The following C9 variants were observed in gnomAD, a reference collection of about 807,000 sequenced individuals.
C9 encodes the protein complement component C9.
Under a neutral mutation model 65.4 loss-of-function variants are expected in C9, and 63 were observed. The observed-to-expected ratio is 0.96, with a 90% CI of 0.79 to 1.19. The LOEUF (loss-of-function observed/expected upper bound fraction) is 1.19, where lower values mean the gene tolerates loss of function less well. Ranked by LOEUF, C9 falls within the 50% of genes most tolerant of loss-of-function variation. C9 has a pLI of 0.00. For missense variants in C9, 744 were observed against 670.1 expected (o/e 1.11, Z -1.22); for synonymous variants, 229 against 227.9 (o/e 1.00, Z -0.04).
chr5:39,364,029 G>GA (rs1190547510), intron 1 of C9, among the ~76,000 whole-genome samples: 1 of 152,154 alleles, frequency 6.6e-6, no homozygotes, highest in Non-Finnish European at 1.5e-5. Flanking sequence ...CAGAGTGAGG[G>GA]AAAGATTAAT....
In C9 at chr5:39,316,040, A is replaced by G. The variant is rs1753564965; in HGVS notation, c.616-11T>C. 6.2e-7 allele frequency: 1 copy of G among 1,606,554 alleles called. No homozygotes were observed. The highest frequency in any genetic ancestry group is 8.5e-7 in the Non-Finnish European group (1 of 1,174,790). On this transcript the variant is annotated splice_polypyrimidine_tract_variant and intron_variant, in intron 5 of 10. Coordinates refer to ENST00000263408, the MANE Select transcript of C9 (RefSeq NM_001737.5). ...TTTCTCGCCTTTGGTCTAAAAGAGA[A>G]TAAAAAAGTGTTGTTAAAAACAAGA...
intron 1 of C9, among the ~76,000 whole-genome samples, chr5:39,361,105 G>A (rs1754509107): frequency 6.6e-6 from 1 of 150,390 alleles, no homozygotes; most frequent in Non-Finnish European, 1.5e-5. Flanking sequence ...GACATGCCAT[G>A]AAGTAAATAA....
chr5:39,361,431 T>C (rs1157851004), intron 1 of C9, among the ~76,000 whole-genome samples: 2 of 152,212 alleles, frequency 1.3e-5, no homozygotes, highest in African/African-American at 4.8e-5. Flanking sequence ...ATGTGCATAT[T>C]TTGTTATTTA....
rs73078503 is a variant in C9, at chr5:39,308,676, A to G, written c.1112-318T>C. On this transcript the variant is annotated intron_variant, in intron 7 of 10. Transcript: ENST00000263408. The stretch of plus-strand genomic sequence containing the variant: ...TAGAAAAGGGACAACAATGTCTAAC[A>G]TATATTGAATGCTTATCATGTGTCT... Among the ~76,000 whole-genome samples, 599 of 152,300 alleles carry G rather than the reference A, an allele frequency of 3.9e-3. 4 individuals are homozygous for G. Among genetic ancestry groups the G allele is most frequent in the African/African-American group, 0.014 (580 of 41,576 alleles).
chr5:39,348,482 C>T (rs1183808260), intron 1 of C9, among the ~76,000 whole-genome samples: 2 of 152,168 alleles, frequency 1.3e-5, no homozygotes, highest in Non-Finnish European at 2.9e-5. Context: ...TACCATCTCA[C>T]ACCAGTTAGA....
chr5:39,342,861 G>A (rs1010642648), intron 1 of C9, among the ~76,000 whole-genome samples: 1 of 152,006 alleles, frequency 6.6e-6, no homozygotes, highest in African/African-American at 2.4e-5. Flanking sequence ...GGCTTTTCTG[G>A]CTTTGAACTT....
chr5:39,357,473 A>C (rs1019754302), intron 1 of C9, among the ~76,000 whole-genome samples: 2 of 152,238 alleles, frequency 1.3e-5, no homozygotes, highest in African/African-American at 4.8e-5. Context: ...AGGAACTGGT[A>C]CATGTCGGAA....
At chr5:39,355,513 AG>A (rs1416480485) in intron 1 of C9, among the ~76,000 whole-genome samples, 13 of 152,018 alleles carry the variant, frequency 8.6e-5, no homozygotes, top group African/African-American at 3.1e-4. Flanking sequence ...AGAAAGCACC[AG>A]ATCTTTGCCT....
chr5:39,340,966 A>G (rs1754065435), intron 4 of C9, 180 bp downstream of exon 4: 1 of 709,790 alleles, frequency 1.4e-6, no homozygotes, highest in Non-Finnish European at 2.4e-6. Context: ...TGTCCAAATT[A>G]TCCTGAGATG....
intron 10 of C9, among the ~76,000 whole-genome samples, chr5:39,286,318 G>C (rs529642438): frequency 2.6e-5 from 4 of 152,082 alleles, no homozygotes; most frequent in Admixed American, 1.3e-4. Flanking sequence ...AAGTACTGAA[G>C]AAAGCATAAT....
chr5:39,359,200 G>A (rs1383127886), intron 1 of C9, among the ~76,000 whole-genome samples: 1 of 149,514 alleles, frequency 6.7e-6, no homozygotes, highest in Admixed American at 6.7e-5. Context: ...TGATTCCCAG[G>A]TTTTAATCTA....
rs180747165 is a variant in C9, at chr5:39,333,664, G to A, written c.477-1850C>T. ...CCACGGTCTCCCTCTCATGCCGAGC[G>A]GCAGCTGGACTGTACTGCCGCCATC... On this transcript the variant is annotated intron_variant, in intron 4 of 10. Transcript: ENST00000263408. 1.3e-4 allele frequency among the ~76,000 whole-genome samples: 13 copies of A among 98,924 alleles called. No homozygotes were observed. In the East Asian group the frequency reaches 1.6e-3, roughly 12 times the overall value. 64.9% of individuals were successfully genotyped at this position (98,924 alleles called of 152,430 possible). A position where few individuals can be genotyped will look rare whatever the true frequency, so the allele number is the denominator to read the frequency against.
At chr5:39,330,980 A>G (rs1753828450) in intron 5 of C9, among the ~76,000 whole-genome samples, 1 of 152,214 alleles carries the variant, frequency 6.6e-6, no homozygotes, top group Non-Finnish European at 1.5e-5. Context: ...TTCTTTACCA[A>G]TGGGACCACT....
At chr5:39,286,978 G>A (rs867411221) in intron 10 of C9, among the ~76,000 whole-genome samples, 8 of 152,024 alleles carry the variant, frequency 5.3e-5, no homozygotes, top group African/African-American at 4.8e-5. Context: ...AATTGTTTTA[G>A]AATTTTGTTT....
chr5:39,345,853 A>T (rs1395157794), intron 1 of C9, among the ~76,000 whole-genome samples: 1 of 152,352 alleles, frequency 6.6e-6, no homozygotes, highest in East Asian at 1.9e-4. Flanking sequence ...ACTAGAACTC[A>T]GGAATAAGAA....
chr5:39,356,577 A>T (rs879872867), intron 1 of C9, among the ~76,000 whole-genome samples: 2 of 152,264 alleles, frequency 1.3e-5, no homozygotes, highest in Admixed American at 6.5e-5. Flanking sequence ...TAAATTGAAA[A>T]TTGTTTTAAC....
chr5:39,350,824 G>A (rs1446500133), intron 1 of C9, among the ~76,000 whole-genome samples: 3 of 152,268 alleles, frequency 2.0e-5, no homozygotes, highest in South Asian at 2.1e-4. Flanking sequence ...GGGCAAGTTG[G>A]TGGATCTACC....
chr5:39,334,006 G>A (rs1175464530), intron 4 of C9, among the ~76,000 whole-genome samples: 16 of 152,276 alleles, frequency 1.1e-4, no homozygotes, highest in Non-Finnish European at 1.6e-4. Context: ...CCAAAGTGCC[G>A]AGATTGCAGC....
intron 5 of C9, among the ~76,000 whole-genome samples, chr5:39,325,639 G>T (rs1312510157): frequency 6.6e-6 from 1 of 152,072 alleles, no homozygotes; most frequent in Non-Finnish European, 1.5e-5. Flanking sequence ...GAGCACGGTG[G>T]CGCACGCCTC....
Sources: allele counts gnomAD v4.1 joint callset (sites outside exome capture counted in the v4.1 genomes callset), GRCh38; gene constraint gnomAD v4.1.1; transcripts MANE v1.5; gene names NCBI Gene and HGNC (gene_info 2026-07-23, HGNC 2026-07-21).